Variants in POLA1 observed in about 807,000 individuals in gnomAD.
The protein encoded by POLA1 is DNA polymerase alpha catalytic subunit.
Under a neutral mutation model 124.0 loss-of-function variants are expected in POLA1, and 15 were observed. The ratio of observed to expected loss-of-function variants is 0.12; its 90% CI spans 0.08 to 0.19. The LOEUF is 0.19. Ranked by LOEUF, POLA1 falls within the 10% of genes least tolerant of loss-of-function variation. POLA1 has a pLI of 1.00. For synonymous variants in POLA1, 408 were observed against 389.4 expected (o/e 1.05, Z -0.56); for missense variants, 886 against 1,103.4 (o/e 0.80, Z 2.79).
intron 34 of POLA1, among the ~76,000 whole-genome samples, chrX:24,860,230 T>C (rs766259746): frequency 8.9e-6 from 1 of 112,850 alleles, no homozygotes; most frequent in East Asian, 2.8e-4. Context: ...CTTAGCACCA[T>C]GTGTATATAC....
Position 24,995,978 on chromosome X carries a change from G to A in POLA1, c.*28G>A, listed in dbSNP as rs1337525509. 4 of 1,190,220 alleles carry A rather than the reference G, an allele frequency of 3.4e-6. No individual in the cohort carries two copies. Among genetic ancestry groups the A allele is most frequent in the Non-Finnish European group, 4.5e-6 (4 of 880,336 alleles). ...GAATCCCAGGAGTAACCAAGGAGGG[G>A]GTAGTTGAAAAATCCCAGCTTCCTC... is the stretch of plus-strand genomic sequence containing the variant. On this transcript the variant is annotated 3_prime_UTR_variant, in exon 37 of 37. Coordinates refer to ENST00000379068, the MANE Select transcript of POLA1 (RefSeq NM_001330360.2).
intron 26 of POLA1, among the ~76,000 whole-genome samples, chrX:24,803,776 T>C (rs1433544602): frequency 9.2e-6 from 1 of 108,907 alleles, no homozygotes; most frequent in East Asian, 2.9e-4. Flanking sequence ...CATGTCAAAG[T>C]TGGATTCTAG....
chrX:24,769,955 AT>A (rs905630229), intron 26 of POLA1, among the ~76,000 whole-genome samples: 1 of 112,063 alleles, frequency 8.9e-6, no homozygotes, highest in Non-Finnish European at 1.9e-5. Context: ...AGGCCTCTTT[AT>A]TTGTAAGTGG....
In POLA1 at chrX:24,831,505, C is replaced by T. The variant is rs1176089187; in HGVS notation, c.3736+4904C>T. ...GCGCTATCTCGGCTCACTGCAACCT[C>T]TGCCTCTCAGGTTCAAGTGATTCTC... On this transcript the variant is annotated intron_variant, in intron 32 of 36. Coordinates refer to ENST00000379068, the MANE Select transcript of POLA1 (RefSeq NM_001330360.2). Among the ~76,000 whole-genome samples the T allele has an allele frequency of 7.2e-5, 8 of 111,057 alleles. No homozygotes were observed. In the Admixed American group the frequency reaches 7.6e-4, roughly 11 times the overall value.
intron 32 of POLA1, among the ~76,000 whole-genome samples, chrX:24,834,161 A>C (rs1369716419): frequency 1.8e-5 from 2 of 110,371 alleles, no homozygotes; most frequent in Non-Finnish European, 3.8e-5. Context: ...CTTCCTGCCA[A>C]GAAATACACA....
rs2045713434 is a variant in POLA1, at chrX:24,801,924, G to GTGTGTGTGTGTGTGTGTGTGTGT, written c.2965-7974_2965-7973insTGTGTGTGTGTGTGTGTGTGTGT. The stretch of plus-strand genomic sequence containing the variant: ...ACAGAGCCACTAGGAGAGGTGGGTG[G>GTGTGTGTGTGTGTGTGTGTGTGT]GTGTGTGTGTGTGTGTGTGTGTGTG... On this transcript the variant is annotated intron_variant, in intron 26 of 36. Transcript: ENST00000379068. Among the ~76,000 whole-genome samples the GTGTGTGTGTGTGTGTGTGTGTGT allele has an allele frequency of 1.5e-4, 11 of 74,544 alleles. 1 individual carries two copies. In the East Asian group the frequency reaches 2.4e-3, roughly 16 times the overall value. 64.7% of individuals were successfully genotyped at this position (74,544 alleles called of 115,157 possible).
intron 26 of POLA1, among the ~76,000 whole-genome samples, chrX:24,779,357 G>A (rs990417114): frequency 8.9e-6 from 1 of 112,339 alleles, no homozygotes; most frequent in Non-Finnish European, 1.9e-5. Context: ...GATTACAGGC[G>A]TGGGCCACCG....
At chrX:24,953,157 G>GGA (rs2048067714) in intron 36 of POLA1, among the ~76,000 whole-genome samples, 1 of 111,392 alleles carries the variant, frequency 9.0e-6, no homozygotes, top group Non-Finnish European at 1.9e-5. Flanking sequence ...TGAAACTTAG[G>GGA]GCCAGCAGAC....
chrX:24,893,715 T>C (rs1031077031), intron 35 of POLA1, among the ~76,000 whole-genome samples: 2 of 112,826 alleles, frequency 1.8e-5, no homozygotes, highest in Non-Finnish European at 3.7e-5. Context: ...TGTTGTAGCA[T>C]GTATTAGTAC....
chrX:24,978,585 A>G (rs997299439), intron 36 of POLA1, among the ~76,000 whole-genome samples: 1 of 112,022 alleles, frequency 8.9e-6, no homozygotes, highest in Non-Finnish European at 1.9e-5. Flanking sequence ...AACTTATTTA[A>G]TTTTCACAAC....
chrX:24,911,260 G>A (rs1048401838), intron 35 of POLA1, among the ~76,000 whole-genome samples: 1 of 111,670 alleles, frequency 9.0e-6, no homozygotes, highest in Non-Finnish European at 1.9e-5. Flanking sequence ...GTCAATTACC[G>A]ATGCTCATTT....
rs148233472 is a variant in POLA1 at position 24,942,523 on chromosome X, C to T, written c.4261+11974C>T. On this transcript the variant is annotated intron_variant, in intron 36 of 36. Transcript: ENST00000379068. ...ACAGATGCAGACATGTAGTTTGAGA[C>T]GAAGTTTTGCCTTTCTCACTTTTCT... Among the ~76,000 whole-genome samples, 340 of 111,713 alleles carry T rather than the reference C, an allele frequency of 3.0e-3. 1 individual carries two copies. The highest frequency in any genetic ancestry group is 0.01 in the African/African-American group (315 of 30,768).
intron 34 of POLA1, among the ~76,000 whole-genome samples, chrX:24,882,411 A>C (rs1174311641): frequency 1.8e-5 from 2 of 110,973 alleles, no homozygotes; most frequent in Non-Finnish European, 3.8e-5. Flanking sequence ...TTTGGGGTAC[A>C]AATAATCCTG....
In POLA1 at chrX:24,812,804, G is replaced by C. The variant is rs2045926483; in HGVS notation, c.3237G>C (p.Glu1079Asp). 1 of 1,204,006 alleles carries C rather than the reference G, an allele frequency of 8.3e-7. No homozygotes were observed. The highest frequency in any genetic ancestry group is 2.2e-5 in the Admixed American group (1 of 45,646). The stretch of plus-strand genomic sequence containing the variant: ...ATGGGAATTATGTCACCAAACAGGA[G>C]CTCAAAGGATTAGATATAGTTAGAA... ...TSDGNYVTKQ[E>D]LKGLDIVRRD... The change falls in exon 29 of 37, where the codon GAG becomes GAC. Residue 1079 changes from glutamate to aspartate, a missense_variant. Glu to Asp is a conservative substitution (Grantham distance 45, BLOSUM62 2). This residue lies in a region of POLA1 where 313 missense variants were observed against 359.7 expected (regional missense o/e 0.87). Coordinates refer to ENST00000379068, the MANE Select transcript of POLA1 (RefSeq NM_001330360.2).
intron 36 of POLA1, among the ~76,000 whole-genome samples, chrX:24,963,069 A>G (rs1355126740): frequency 9.0e-6 from 1 of 111,657 alleles, no homozygotes; most frequent in Non-Finnish European, 1.9e-5. Context: ...GGAATAGTAG[A>G]ATCTGTGCAT....
intron 30 of POLA1, among the ~76,000 whole-genome samples, chrX:24,819,602 A>G (rs1455330740): frequency 8.9e-6 from 1 of 111,843 alleles, no homozygotes. Flanking sequence ...CTCACAAAAT[A>G]GTAGACTTGT....
chrX:24,741,197 G>A (rs1931635049), intron 20 of POLA1, among the ~76,000 whole-genome samples, 178 bp from the exon 21 acceptor site: 1 of 108,427 alleles, frequency 9.2e-6, no homozygotes, highest in African/African-American at 3.4e-5. Flanking sequence ...GGGATCAGTG[G>A]TATGAATGAA....
chrX:24,791,121 G>A (rs186985014), intron 26 of POLA1, among the ~76,000 whole-genome samples: 2 of 109,848 alleles, frequency 1.8e-5, no homozygotes, highest in East Asian at 2.9e-4. Context: ...ACAGCCTTTT[G>A]GAGCCTAAAT....
intron 34 of POLA1, among the ~76,000 whole-genome samples, chrX:24,869,461 C>T (rs981166586): frequency 1.8e-5 from 2 of 111,987 alleles, no homozygotes; most frequent in Non-Finnish European, 3.8e-5. Context: ...CATTTTGCCA[C>T]AGGGCTTCTT....
Sources: allele counts gnomAD v4.1 joint callset (sites outside exome capture counted in the v4.1 genomes callset), GRCh38; gene constraint gnomAD v4.1.1; regional missense constraint gnomAD v4.1.1; transcripts MANE v1.5; gene names NCBI Gene and HGNC (gene_info 2026-07-23, HGNC 2026-07-21).